The following CEP192 variants were observed in gnomAD, a reference collection of about 807,000 sequenced individuals.
CEP192 encodes centrosomal protein of 192 kDa.
CEP192 carries 151 observed loss-of-function variants against 271.8 expected under a neutral mutation model. The ratio of observed to expected loss-of-function variants is 0.56; its 90% confidence interval spans 0.49 to 0.64. CEP192 has a LOEUF of 0.64. Among genes scored for constraint, CEP192 ranks in the 30% least tolerant of loss-of-function variants. The pLI is 0.00. For missense variants in CEP192, 2,910 were observed against 3,020.5 expected, an observed-to-expected ratio of 0.96 and a Z score of 0.86; for synonymous variants, 995 against 1,076.5, an observed-to-expected ratio of 0.92 and a Z score of 1.48.
Position 13,052,977 on chromosome 18 carries a change from G to C in CEP192, c.3076G>C (p.Glu1026Gln). Reference sequence around the variant, plus strand: ...GCAGCAGCAGCCTCCCTGTGAGCAGGAGTTGTCTCCCTTGGTGTGCTCGCC... The same window carrying C: ...GCAGCAGCAGCCTCCCTGTGAGCAGCAGTTGTCTCCCTTGGTGTGCTCGCC... ...AQQQQPPCEQELSPLVCSPAG... is the reference protein window; with the variant it reads ...AQQQQPPCEQQLSPLVCSPAG... Residue 1026 changes from glutamate to glutamine, a missense_variant, in exon 18 of 45, where the codon GAG becomes CAG. By Grantham distance (29) the Glu-to-Gln change is conservative. Transcript: ENST00000506447. 6.2e-7 allele frequency: 1 copy of C among 1,613,762 alleles called. No individual in the cohort carries two copies. The highest frequency in any genetic ancestry group is 1.1e-5 in the South Asian group (1 of 91,038).
intron 40 of CEP192, among the ~76,000 whole-genome samples, chr18:13,107,329 CA>C (rs201098800): frequency 1.3e-5 from 2 of 152,086 alleles, no homozygotes; most frequent in African/African-American, 4.8e-5. Context: ...GACCTTGTCT[CA>C]AAAAAATTTT....
chr18:13,011,352 A>G (rs2034347774), intron 4 of CEP192, among the ~76,000 whole-genome samples: 1 of 152,168 alleles, frequency 6.6e-6, no homozygotes, highest in Admixed American at 6.5e-5. Context: ...AGAAATTGAA[A>G]TCCTCATACA....
chr18:13,052,309 G>T (rs900421019), intron 17 of CEP192, among the ~76,000 whole-genome samples: 14 of 152,180 alleles, frequency 9.2e-5, no homozygotes, highest in Non-Finnish European at 1.6e-4. Flanking sequence ...TGTATTGCAT[G>T]TTTGTGCTCT....
rs781085853 is a variant in CEP192 at position 13,055,927 on chromosome 18, G to A, written c.3337G>A (p.Asp1113Asn). The stretch of plus-strand genomic sequence containing the variant: ...ATCATCTATTATCCAGAATAACTCT[G>A]ATACAAGAAAAGCAACTGAAACTAC... Reference protein sequence around the residue: ...TLSSIIQNNSDTRKATETTSL... With the variant: ...TLSSIIQNNSNTRKATETTSL... Residue 1113 changes from aspartate (D) to asparagine (N), a missense_variant, in exon 19 of 45, where the codon GAT (aspartate) becomes AAT (asparagine). Transcript: ENST00000506447. 4 of 1,614,132 alleles carry A rather than the reference G, an allele frequency of 2.5e-6. No homozygotes were observed. The highest frequency in any genetic ancestry group is 1.3e-5 in the African/African-American group (1 of 75,060).
intron 30 of CEP192, among the ~76,000 whole-genome samples, chr18:13,082,432 CTTTTTTTTTTTTTT>C (rs57663388): frequency 6.0e-5 from 3 of 49,944 alleles, no homozygotes; most frequent in South Asian, 9.1e-4. Context: ...GCAACCCCTG[CTTTTTTTTTTTTTT>C]TTTTTTTTTT....
intron 30 of CEP192, among the ~76,000 whole-genome samples, chr18:13,074,780 C>T (rs2038185201): frequency 6.6e-6 from 1 of 152,188 alleles, no homozygotes; most frequent in African/African-American, 2.4e-5. Flanking sequence ...AAGTAGCCTG[C>T]AGAGTGGCGG....
intron 3 of CEP192, among the ~76,000 whole-genome samples, chr18:13,005,340 G>A (rs182974475): frequency 6.6e-6 from 1 of 152,300 alleles, no homozygotes; most frequent in East Asian, 1.9e-4. Flanking sequence ...TTGTTTGTTG[G>A]GGAGTAGAAG....
rs1299698397 is a variant in CEP192 at position 13,095,654 on chromosome 18, C to T, written c.6406C>T (p.His2136Tyr). ...AGAGCCGTGGACTGTCCTACCCGAG[C>T]ACTTGATTCTGGTAGCTCCTTCTCC... The part of the protein sequence containing the change: ...SEEPWTVLPE[H>Y]LILVAPSPCD... The change falls in exon 35 of 45, where the codon CAC becomes TAC. Residue 2136 changes from histidine (H) to tyrosine (Y), a missense_variant. Transcript: ENST00000506447. 6.2e-7 allele frequency: 1 copy of T among 1,612,988 alleles called. No homozygotes were observed. Among genetic ancestry groups the T allele is most frequent in the Admixed American group, 1.7e-5 (1 of 59,660 alleles).
At chr18:13,074,086 G>A (rs1000152426) in intron 30 of CEP192, among the ~76,000 whole-genome samples, 3 of 152,072 alleles carry the variant, frequency 2.0e-5, no homozygotes, top group Non-Finnish European at 2.9e-5. Flanking sequence ...ACATGGTTGT[G>A]CATGCTTTAT....
intron 2 of CEP192, 144 bp downstream of exon 2, chr18:12,999,732 G>A (rs972534435): frequency 1.9e-6 from 1 of 539,196 alleles, no homozygotes; most frequent in Admixed American, 4.0e-5. Flanking sequence ...ATATAGAAAA[G>A]ACAGAATTTA....
At chr18:13,009,014 G>GT (rs10586819) in intron 4 of CEP192, among the ~76,000 whole-genome samples, 1,434 of 120,418 alleles carry the variant, frequency 0.012, 24 homozygotes, top group African/African-American at 0.042. Flanking sequence ...TGGCCTTTTT[G>GT]TTTTTTTTTT....
intron 9 of CEP192, among the ~76,000 whole-genome samples, chr18:13,025,224 T>A (rs982648611): frequency 3.3e-5 from 5 of 152,098 alleles, no homozygotes; most frequent in African/African-American, 1.2e-4. Context: ...ATTATTATTA[T>A]TATTACTATT....
rs758821498 is a variant in CEP192, at chr18:13,053,059, C to T, written c.3158C>T (p.Thr1053Ile). 1 of 1,612,718 alleles carries T rather than the reference C, an allele frequency of 6.2e-7. No homozygotes were observed. Among genetic ancestry groups the T allele is most frequent in the South Asian group, 1.1e-5 (1 of 90,940 alleles). The change falls in exon 18 of 45, where the codon ACA becomes ATA. Residue 1053 changes from threonine (T) to isoleucine (I), a missense_variant. Transcript: ENST00000506447. ...VSEPESSYPT[T>I]ATDDALEDRK... ...GAACCAGAGAGCTCCTATCCTACCA[C>T]AGCCACAGATGATGCCCTGGAGGAC... is the stretch of plus-strand genomic sequence containing the variant.
In CEP192 at chr18:13,087,111, T is replaced by A. The variant is rs1229713161; in HGVS notation, c.5711T>A (p.Val1904Glu). The A allele has an allele frequency of 6.2e-7, 1 of 1,613,936 alleles. No individual in the cohort carries two copies. Among genetic ancestry groups the A allele is most frequent in the Admixed American group, 1.7e-5 (1 of 60,008 alleles). Residue 1904 changes from valine (V) to glutamate (E), a missense_variant, in exon 31 of 45, where the codon GTA (valine) becomes GAA (glutamate). Physicochemically the swap from Val to Glu is moderately radical, Grantham distance 121 (BLOSUM62 -2). Coordinates refer to ENST00000506447, the MANE Select transcript of CEP192 (RefSeq NM_032142.4). The part of the protein sequence containing the change: ...DSYMVTVNGL[V>E]PGKESKIVFS... Reference sequence around the variant, plus strand: ...TACATGGTAACAGTGAATGGCTTAGTACCTGGCAAAGAAAGTAAAATTGTT... The same window carrying A: ...TACATGGTAACAGTGAATGGCTTAGAACCTGGCAAAGAAAGTAAAATTGTT...
rs558567900 is a variant in CEP192, at chr18:13,119,473, T to C, written c.7475+1830T>C. Among the ~76,000 whole-genome samples the C allele has an allele frequency of 1.4e-4, 21 of 152,336 alleles. No homozygotes were observed. The South Asian group carries it at 4.3e-3, about 32-fold the overall frequency. ...AATATATTTTTTAGGCTGGGTGTGG[T>C]GGCTCACACCTGTAATCCCAGCACT... On this transcript the variant is annotated intron_variant, in intron 44 of 44. Transcript: ENST00000506447.
At chr18:13,028,778 C>T (rs1435861872) in intron 9 of CEP192, among the ~76,000 whole-genome samples, 1 of 152,146 alleles carries the variant, frequency 6.6e-6, no homozygotes, top group Non-Finnish European at 1.5e-5. Context: ...CCTCGGCCTC[C>T]CAAAGTGCTG....
intron 5 of CEP192, among the ~76,000 whole-genome samples, chr18:13,013,492 G>C (rs2034477924): frequency 6.6e-6 from 1 of 152,134 alleles, no homozygotes; most frequent in African/African-American, 2.4e-5. Flanking sequence ...TCAGAAAAGA[G>C]AAAAAAGACA....
At chr18:13,082,452 T>C (rs1483340234) in intron 30 of CEP192, among the ~76,000 whole-genome samples, 1 of 145,794 alleles carries the variant, frequency 6.9e-6, no homozygotes, top group Non-Finnish European at 1.5e-5. Context: ...TTTTTTTTTT[T>C]TTTTTGCTTT....
At chr18:13,081,859 T>A (rs1354762815) in intron 30 of CEP192, among the ~76,000 whole-genome samples, 1 of 152,256 alleles carries the variant, frequency 6.6e-6, no homozygotes, top group East Asian at 1.9e-4. Flanking sequence ...CATTTTGTTA[T>A]TTACCCAGTA....
Sources: allele counts gnomAD v4.1 joint callset (sites outside exome capture counted in the v4.1 genomes callset), GRCh38; gene constraint gnomAD v4.1.1; transcripts MANE v1.5; gene names NCBI Gene and HGNC (gene_info 2026-07-23, HGNC 2026-07-21).